The following GRID1 variants were observed in gnomAD, a reference collection of about 807,000 sequenced individuals.
The protein encoded by GRID1 is glutamate receptor ionotropic, delta-1.
In GRID1, 28 loss-of-function variants were observed where a neutral mutation model predicts 98.0. The observed-to-expected ratio is 0.29, with a 90% CI of 0.21 to 0.39. The LOEUF (loss-of-function observed/expected upper bound fraction) is 0.39. Among genes scored for constraint, GRID1 ranks in the 10% least tolerant of loss-of-function variants. GRID1 has a pLI of 1.00. For synonymous variants in GRID1, 553 were observed against 538.5 expected (o/e 1.03, Z -0.37); for missense variants, 1,111 against 1,340.5 (o/e 0.83, Z 2.67).
intron 7 of GRID1, among the ~76,000 whole-genome samples, chr10:85,855,778 A>G (rs1347013224): frequency 1.3e-5 from 2 of 152,236 alleles, no homozygotes; most frequent in Non-Finnish European, 2.9e-5. Flanking sequence ...AGCCAAGGGC[A>G]AGTTGCTTAA....
At chr10:85,895,012 A>ATATAT (rs1269376668) in intron 5 of GRID1, among the ~76,000 whole-genome samples, 26 of 115,956 alleles carry the variant, frequency 2.2e-4, no homozygotes, top group East Asian at 2.2e-3. Flanking sequence ...AAAAAAAAAA[A>ATATAT]AAAAATATAT....
chr10:86,099,968 T>C (rs942033717), intron 4 of GRID1, among the ~76,000 whole-genome samples: 8 of 152,142 alleles, frequency 5.3e-5, no homozygotes, highest in African/African-American at 1.7e-4. Flanking sequence ...ATCAGTTATT[T>C]TGACTCCTCA....
At chr10:85,756,531 G>T (rs1590218539) in intron 8 of GRID1, among the ~76,000 whole-genome samples, 1 of 152,152 alleles carries the variant, frequency 6.6e-6, no homozygotes. Flanking sequence ...TGACCGACTG[G>T]TAGGCATTAT....
At chr10:85,846,711 G>A (rs1843010285) in intron 8 of GRID1, among the ~76,000 whole-genome samples, 1 of 152,004 alleles carries the variant, frequency 6.6e-6, no homozygotes, top group African/African-American at 2.4e-5. Flanking sequence ...AATGAAGAGG[G>A]AGATATGTCA....
At chr10:86,315,514 G>C (rs538345257) in intron 2 of GRID1, among the ~76,000 whole-genome samples, 2 of 152,274 alleles carry the variant, frequency 1.3e-5, no homozygotes, top group East Asian at 1.9e-4. Flanking sequence ...GTCACACAAG[G>C]AACTGGATTT....
intron 11 of GRID1, 80 bp from the exon 12 acceptor site, chr10:85,723,221 C>A: frequency 1.4e-6 from 2 of 1,399,290 alleles, no homozygotes; most frequent in Non-Finnish European, 1.9e-6. Context: ...TGCCCTGCAG[C>A]CAGGCACACA....
At chr10:86,076,600 T>G (rs999101224) in intron 4 of GRID1, among the ~76,000 whole-genome samples, 1 of 152,190 alleles carries the variant, frequency 6.6e-6, no homozygotes, top group Non-Finnish European at 1.5e-5. Flanking sequence ...CGGAGACCCA[T>G]AGATGACCTC....
chr10:86,255,775 T>A (rs1005593437), intron 2 of GRID1, among the ~76,000 whole-genome samples: 1 of 152,178 alleles, frequency 6.6e-6, no homozygotes, highest in Non-Finnish European at 1.5e-5. Flanking sequence ...CACTCACTTG[T>A]GCTGGGCTGA....
chr10:85,822,597 A>C (rs555970894), intron 8 of GRID1, among the ~76,000 whole-genome samples: 2 of 152,346 alleles, frequency 1.3e-5, no homozygotes, highest in South Asian at 2.1e-4. Context: ...GTGGGACTGT[A>C]AACTAGTTCA....
At chr10:85,709,966 T>C (rs142136555) in intron 12 of GRID1, among the ~76,000 whole-genome samples, 198 of 152,138 alleles carry the variant, frequency 1.3e-3, no homozygotes, top group African/African-American at 4.5e-3. Flanking sequence ...CCACAAAACA[T>C]TGCTAAAAAG....
intron 8 of GRID1, among the ~76,000 whole-genome samples, chr10:85,803,109 G>T (rs1212406292): frequency 2.0e-5 from 3 of 152,036 alleles, no homozygotes; most frequent in Non-Finnish European, 2.9e-5. Flanking sequence ...GGAAGGTGGG[G>T]ATGGTTAATG....
intron 4 of GRID1, among the ~76,000 whole-genome samples, chr10:86,084,722 T>C (rs59512053): frequency 0.017 from 2,648 of 152,298 alleles, 71 homozygotes; most frequent in African/African-American, 0.061. Context: ...AATTCTGACA[T>C]ATGCTACAAC....
intron 8 of GRID1, among the ~76,000 whole-genome samples, chr10:85,821,879 A>G (rs1213416245): frequency 1.3e-5 from 2 of 152,110 alleles, no homozygotes; most frequent in African/African-American, 4.8e-5. Context: ...CAGAAATAAT[A>G]CCACACATCT....
intron 4 of GRID1, among the ~76,000 whole-genome samples, chr10:86,064,503 T>G (rs1160906832): frequency 3.9e-5 from 6 of 152,238 alleles, no homozygotes; most frequent in Non-Finnish European, 7.3e-5. Flanking sequence ...GAGGGCACAG[T>G]GCCTGCCTCA....
rs149382202 is a variant in GRID1 at position 86,225,150 on chromosome 10, G to A, written c.236-18502C>T. On this transcript the variant is annotated intron_variant, in intron 2 of 15. Transcript: ENST00000327946. ...AACCCTGGTGTGAAGACAGAGGGGC[G>A]GGGAGGAAGGTAGGGGCTGACATTT... 4.8e-3 allele frequency among the ~76,000 whole-genome samples: 732 copies of A among 152,322 alleles called. 7 individuals carry two copies. Among genetic ancestry groups the A allele is most frequent in the African/African-American group, 0.017 (703 of 41,572 alleles).
At chr10:85,705,629 A>G (rs1191051465) in intron 12 of GRID1, among the ~76,000 whole-genome samples, 1 of 152,210 alleles carries the variant, frequency 6.6e-6, no homozygotes, top group Non-Finnish European at 1.5e-5. Flanking sequence ...TCATCCTGAT[A>G]CCAAGCCTGG....
intron 3 of GRID1, among the ~76,000 whole-genome samples, chr10:86,170,176 G>GA (rs1198100188): frequency 1.3e-5 from 2 of 152,234 alleles, no homozygotes; most frequent in Non-Finnish European, 2.9e-5. Flanking sequence ...CCTAGAGCCT[G>GA]AGTGGCTCTG....
chr10:86,045,422 T>C (rs1044377110), intron 4 of GRID1, among the ~76,000 whole-genome samples: 2 of 152,042 alleles, frequency 1.3e-5, no homozygotes, highest in African/African-American at 4.8e-5. Flanking sequence ...AGTAATATGG[T>C]AGGGGAAATT....
intron 4 of GRID1, among the ~76,000 whole-genome samples, chr10:86,050,196 C>T (rs1401971532): frequency 2.6e-5 from 4 of 152,216 alleles, no homozygotes; most frequent in Non-Finnish European, 5.9e-5. Context: ...TAAGAAATGT[C>T]TGTGTTTCTA....
Sources: allele counts gnomAD v4.1 joint callset (sites outside exome capture counted in the v4.1 genomes callset), GRCh38; gene constraint gnomAD v4.1.1; transcripts MANE v1.5; gene names NCBI Gene and HGNC (gene_info 2026-07-23, HGNC 2026-07-21).